The following CIRSR variants were observed in gnomAD, a reference collection of about 807,000 sequenced individuals.
CIRSR encodes CBF1 (RBPJ) interacting corepressor 1.
At chr2:174,380,770 C>T in the CIRSR span, 11 of 1,602,060 alleles carry the variant, frequency 6.9e-6, no homozygotes, top group Non-Finnish European at 9.4e-6. Context: ...CAATCAACTG[C>T]AAGTAAATTC....
At chr2:174,391,766 A>C in the CIRSR span, among the ~76,000 whole-genome samples, 1 of 152,178 alleles carries the variant, frequency 6.6e-6, no homozygotes, top group East Asian at 1.9e-4. Context: ...CATTCATACA[A>C]TGGAATATTA....
chr2:174,381,594 T>A, the CIRSR span: 3 of 709,504 alleles, frequency 4.2e-6, no homozygotes. Context: ...TGGATGGAGG[T>A]TGTAGTGTGC....
the CIRSR span, among the ~76,000 whole-genome samples, chr2:174,376,753 G>A: frequency 2.2e-5 from 3 of 139,194 alleles, no homozygotes; most frequent in African/African-American, 5.5e-5. Context: ...AGCCAAGATC[G>A]TGCCACCACA....
the CIRSR span, chr2:174,348,840 C>T: frequency 5.6e-6 from 9 of 1,614,048 alleles, no homozygotes; most frequent in South Asian, 2.2e-5. Context: ...TTTTAAGAAC[C>T]TGGGCTTTTC....
the CIRSR span, chr2:174,380,747 T>C: frequency 1.2e-6 from 2 of 1,609,054 alleles, no homozygotes; most frequent in Non-Finnish European, 1.7e-6. Flanking sequence ...TCTTTTAATT[T>C]TTCCATATAA....
At chr2:174,378,227 T>A in the CIRSR span, among the ~76,000 whole-genome samples, 2 of 152,224 alleles carry the variant, frequency 1.3e-5, no homozygotes, top group African/African-American at 2.4e-5. Context: ...CTATCACCCT[T>A]ATTTTAAAAT....
chr2:174,391,240 A>G, the CIRSR span, among the ~76,000 whole-genome samples: 2 of 152,342 alleles, frequency 1.3e-5, no homozygotes, highest in African/African-American at 4.8e-5. Context: ...ATGGCCAAGG[A>G]AAAAAACAGG....
chr2:174,377,824 C>CAAA, the CIRSR span, among the ~76,000 whole-genome samples: 1,437 of 59,870 alleles, frequency 0.024, 110 homozygotes, highest in South Asian at 0.089. Context: ...GACGCCATCT[C>CAAA]AAAAAAAAAA....
the CIRSR span, among the ~76,000 whole-genome samples, chr2:174,374,164 T>G: frequency 7.2e-5 from 11 of 152,260 alleles, no homozygotes; most frequent in Admixed American, 4.6e-4. Flanking sequence ...TTTAAATCTG[T>G]TGCTATCATT....
At chr2:174,393,068 G>T in the CIRSR span, among the ~76,000 whole-genome samples, 1 of 152,196 alleles carries the variant, frequency 6.6e-6, no homozygotes, top group Non-Finnish European at 1.5e-5. Context: ...GATGGGAAAA[G>T]AACAGTCTAA....
the CIRSR span, among the ~76,000 whole-genome samples, chr2:174,395,209 G>A: frequency 1.3e-5 from 2 of 152,312 alleles, no homozygotes. Context: ...GAAAAGTAGA[G>A]TTCAGAAGCC....
At chr2:174,348,694 T>C in the CIRSR span, 2 of 1,614,246 alleles carry the variant, frequency 1.2e-6, no homozygotes, top group Non-Finnish European at 1.7e-6. Flanking sequence ...CTCCGGCTCC[T>C]TTCCTCCCTG....
the CIRSR span, among the ~76,000 whole-genome samples, chr2:174,358,695 T>A: frequency 6.6e-6 from 1 of 152,198 alleles, no homozygotes; most frequent in Non-Finnish European, 1.5e-5. Flanking sequence ...GAACCTGAAG[T>A]ATTAGAAGTT....
the CIRSR span, among the ~76,000 whole-genome samples, chr2:174,373,780 AG>A: frequency 6.6e-6 from 1 of 150,954 alleles, no homozygotes; most frequent in Non-Finnish European, 1.5e-5. Flanking sequence ...AAAAAAAAAA[AG>A]CTCTTTCAAC....
At chr2:174,350,706 C>T in the CIRSR span, 30 of 1,608,980 alleles carry the variant, frequency 1.9e-5, no homozygotes, top group Middle Eastern at 1.2e-3. Flanking sequence ...TTTAAAAATT[C>T]AACTTCTGGA....
At chr2:174,391,759 T>A in the CIRSR span, among the ~76,000 whole-genome samples, 1 of 152,108 alleles carries the variant, frequency 6.6e-6, no homozygotes, top group Non-Finnish European at 1.5e-5. Context: ...TAACTTACAT[T>A]CATACAATGG....
At chr2:174,363,258 A>G in the CIRSR span, among the ~76,000 whole-genome samples, 2 of 152,230 alleles carry the variant, frequency 1.3e-5, no homozygotes, top group East Asian at 3.9e-4. Flanking sequence ...CATCAGGAGC[A>G]TTCCTGTATA....
the CIRSR span, among the ~76,000 whole-genome samples, chr2:174,383,672 A>T: frequency 6.7e-6 from 1 of 148,172 alleles, no homozygotes; most frequent in African/African-American, 2.5e-5. Context: ...GTGAGCCGAG[A>T]TCGCACCACT....
At chr2:174,370,264 T>C in the CIRSR span, among the ~76,000 whole-genome samples, 472 of 152,338 alleles carry the variant, frequency 3.1e-3, 4 homozygotes, top group African/African-American at 0.011. Flanking sequence ...TTGCCAAAGT[T>C]GGTCTCAAAC....
Sources: allele counts gnomAD v4.1 joint callset (sites outside exome capture counted in the v4.1 genomes callset), GRCh38; gene constraint gnomAD v4.1.1; transcripts MANE v1.5; gene names NCBI Gene and HGNC (gene_info 2026-07-23, HGNC 2026-07-21).